ZDHHC14: variants seen among roughly 807,000 people sequenced by gnomAD.
The protein encoded by ZDHHC14 is palmitoyltransferase ZDHHC14.
ZDHHC14 carries 16 observed loss-of-function variants against 47.7 expected under a neutral mutation model. That is an observed-to-expected ratio of 0.34 (90% CI 0.23 to 0.51). The LOEUF (loss-of-function observed/expected upper bound fraction) is 0.51. Among genes scored for constraint, ZDHHC14 ranks in the 20% least tolerant of loss-of-function variants. The probability of loss-of-function intolerance (pLI) is 0.97; values close to 1 mark genes in which losing one functional copy is unlikely to be tolerated. For missense variants in ZDHHC14, 515 were observed against 662.5 expected, an observed-to-expected ratio of 0.78 and a Z score of 2.44; for synonymous variants, 293 against 278.9, an observed-to-expected ratio of 1.05 and a Z score of -0.50.
At chr6:157,490,017 G>A (rs2114726263) in intron 1 of ZDHHC14, among the ~76,000 whole-genome samples, 1 of 152,306 alleles carries the variant, frequency 6.6e-6, no homozygotes, top group Middle Eastern at 3.4e-3. Context: ...AGACCTGGGA[G>A]GTGGAATCTT....
Position 157,445,144 on chromosome 6 carries a change from A to ACACACACACACT in ZDHHC14, c.245+62879_245+62880insACACACACACTC, listed in dbSNP as rs376300431. 3.7e-4 allele frequency among the ~76,000 whole-genome samples: 55 copies of ACACACACACACT among 146,834 alleles called. 1 individual carries two copies. Among genetic ancestry groups the ACACACACACACT allele is most frequent in the Admixed American group, 1.1e-3 (16 of 14,854 alleles). On this transcript the variant is annotated intron_variant, in intron 1 of 8. Coordinates refer to ENST00000359775, the MANE Select transcript of ZDHHC14 (RefSeq NM_024630.3). ...CACACACACACACACACACACACACACTCTTCATATCTATCTATCTATCAT... is the reference window on the plus strand; with the variant it reads ...CACACACACACACACACACACACACACACACACACACTCTCTTCATATCTATCTATCTATCAT...
chr6:157,645,666 G>A, intron 5 of ZDHHC14, 71 bp from the exon 6 acceptor site: 2 of 1,298,874 alleles, frequency 1.5e-6, no homozygotes, highest in East Asian at 2.4e-5. Context: ...GGGTGTTTCG[G>A]TTCCAGGCCT....
intron 1 of ZDHHC14, among the ~76,000 whole-genome samples, chr6:157,400,645 C>A (rs529670605): frequency 6.6e-6 from 1 of 152,244 alleles, no homozygotes; most frequent in Admixed American, 6.5e-5. Context: ...CCCTGAGTCC[C>A]TCGCTGCTGC....
At chr6:157,423,982 G>A (rs148776557) in intron 1 of ZDHHC14, among the ~76,000 whole-genome samples, 296 of 152,328 alleles carry the variant, frequency 1.9e-3, no homozygotes, top group African/African-American at 6.2e-3. Flanking sequence ...CCTGGCAGGC[G>A]CTTGAGGTAA....
chr6:157,657,883 T>G (rs1778173583), intron 8 of ZDHHC14, among the ~76,000 whole-genome samples: 2 of 152,210 alleles, frequency 1.3e-5, no homozygotes, highest in African/African-American at 4.8e-5. Flanking sequence ...ATTCACTGTG[T>G]GGAGACCAGA....
chr6:157,443,826 T>G (rs982810979), intron 1 of ZDHHC14, among the ~76,000 whole-genome samples: 1 of 152,240 alleles, frequency 6.6e-6, no homozygotes, highest in African/African-American at 2.4e-5. Context: ...TTACCTTCTC[T>G]GGAACTCAGT....
At chr6:157,572,052 C>T (rs1288709786) in intron 2 of ZDHHC14, among the ~76,000 whole-genome samples, 2 of 152,068 alleles carry the variant, frequency 1.3e-5, no homozygotes, top group Non-Finnish European at 2.9e-5. Flanking sequence ...TGAGATGATT[C>T]ATTTCTAATA....
chr6:157,672,632 C>CAA, intron 8 of ZDHHC14, 92 bp from the exon 9 acceptor site: 1 of 288,342 alleles, frequency 3.5e-6, no homozygotes. Flanking sequence ...GCACCCCACC[C>CAA]TCCCCGCCCG....
At chr6:157,592,963 GCT>G (rs778832026) in intron 2 of ZDHHC14, 23 bp from the exon 3 acceptor site, 1 of 1,599,226 alleles carries the variant, frequency 6.3e-7, no homozygotes. Context: ...GAAGGTGTGC[GCT>G]CTTTCTCTTC....
At chr6:157,604,211 A>G (rs895485897) in intron 3 of ZDHHC14, among the ~76,000 whole-genome samples, 3 of 151,824 alleles carry the variant, frequency 2.0e-5, no homozygotes, top group African/African-American at 7.3e-5. Context: ...CACCTGAACC[A>G]GGGAGATTGA....
Position 157,465,088 on chromosome 6 carries a change from G to GT in ZDHHC14, c.246-77490dup, listed in dbSNP as rs1296335554. 2.7e-4 allele frequency among the ~76,000 whole-genome samples: 27 copies of GT among 98,812 alleles called. No homozygotes were observed. In the East Asian group the frequency reaches 6.3e-3, roughly 23 times the overall value. The allele number at this position is 98,812 out of a possible 152,430, so 64.8% of individuals were successfully genotyped here. A position where few individuals can be genotyped will look rare whatever the true frequency, so the allele number is the denominator to read the frequency against. On this transcript the variant is annotated intron_variant, in intron 1 of 8. Coordinates refer to ENST00000359775, the MANE Select transcript of ZDHHC14 (RefSeq NM_024630.3). ...CCTGTGACATTCTAAAAAGCAGCGT[G>GT]TTTTTTTCTCTTTCTCCTTTTTTTT...
rs1248419233 is a variant in ZDHHC14 at position 157,427,780 on chromosome 6, T to C, written c.245+45514T>C. Among the ~76,000 whole-genome samples the C allele has an allele frequency of 6.6e-6, 1 of 152,128 alleles. No homozygotes were observed. Among genetic ancestry groups the C allele is most frequent in the Non-Finnish European group, 1.5e-5 (1 of 68,018 alleles). On this transcript the variant is annotated intron_variant, in intron 1 of 8. Coordinates refer to ENST00000359775, the MANE Select transcript of ZDHHC14 (RefSeq NM_024630.3). This position sits in a 1 kb window ranked among gnomAD's most constrained non-coding sequence, Gnocchi z 4.4. Reference sequence around the variant, plus strand: ...ACACTGTGAGATTGACCACCTTCCATCGGAGTGTGGAAACAGGTTTTCATC... The same window carrying C: ...ACACTGTGAGATTGACCACCTTCCACCGGAGTGTGGAAACAGGTTTTCATC...
At chr6:157,570,069 C>T (rs1269719285) in intron 2 of ZDHHC14, among the ~76,000 whole-genome samples, 2 of 152,142 alleles carry the variant, frequency 1.3e-5, no homozygotes, top group African/African-American at 4.8e-5. Context: ...AATAGCATCC[C>T]CTGCTTCTGT....
chr6:157,654,409 G>A (rs1007362043), intron 8 of ZDHHC14, among the ~76,000 whole-genome samples: 3 of 152,160 alleles, frequency 2.0e-5, no homozygotes, highest in Non-Finnish European at 4.4e-5. Flanking sequence ...GAAGTTCCAT[G>A]TTTCTGCAGA....
chr6:157,600,151 A>G (rs1784284079), intron 3 of ZDHHC14, among the ~76,000 whole-genome samples: 1 of 152,210 alleles, frequency 6.6e-6, no homozygotes, highest in South Asian at 2.1e-4. Flanking sequence ...TTTCACCAAA[A>G]TAGTATAACC....
At chr6:157,394,815 A>G (rs1230009543) in intron 1 of ZDHHC14, among the ~76,000 whole-genome samples, 2 of 152,148 alleles carry the variant, frequency 1.3e-5, no homozygotes, top group African/African-American at 4.8e-5. Flanking sequence ...AACGTCTCAA[A>G]TGAAGTGTTG....
intron 7 of ZDHHC14, 75 bp downstream of exon 7, chr6:157,647,443 C>A: frequency 8.2e-7 from 1 of 1,215,862 alleles, no homozygotes. Context: ...CACAGGCCGC[C>A]CGCCCTGGTG....
In ZDHHC14 at chr6:157,536,596, C is replaced by T. The variant is rs113987633; in HGVS notation, c.246-5989C>T. Among the ~76,000 whole-genome samples, 148 of 152,230 alleles carry T rather than the reference C, an allele frequency of 9.7e-4. 2 individuals are homozygous for T. The highest frequency in any genetic ancestry group is 2.8e-3 in the African/African-American group (118 of 41,532). On this transcript the variant is annotated intron_variant, in intron 1 of 8. Transcript: ENST00000359775. ...GACCTAATTACCCAATAATGAAATCCATGTTTCTTATCCAAATGTTTAAGA... is the reference window on the plus strand; with the variant it reads ...GACCTAATTACCCAATAATGAAATCTATGTTTCTTATCCAAATGTTTAAGA...
chr6:157,658,297 G>A (rs1218382323), intron 8 of ZDHHC14, among the ~76,000 whole-genome samples: 1 of 152,180 alleles, frequency 6.6e-6, no homozygotes, highest in African/African-American at 2.4e-5. Flanking sequence ...TTCCTCATCT[G>A]CAAAATAGGA....
Sources: gnomAD v4.1 joint callset for allele counts (sites outside exome capture counted in the v4.1 genomes callset) on GRCh38, gnomAD v4.1.1 for gene constraint, Gnocchi (gnomAD v3.1) non-coding constraint, MANE v1.5 for transcripts, NCBI Gene and HGNC (gene_info 2026-07-23, HGNC 2026-07-21) for gene names.